Variants in DCTN1 observed in about 807,000 individuals in gnomAD.
The protein encoded by DCTN1 is dynactin subunit 1.
Under a neutral mutation model 161.2 loss-of-function variants are expected in DCTN1, and 61 were observed. That is an observed-to-expected ratio of 0.38 (90% CI 0.31 to 0.47). DCTN1 has a LOEUF of 0.47. Among genes scored for constraint, DCTN1 ranks in the 20% least tolerant of loss-of-function variants. DCTN1 has a pLI of 0.99. For synonymous variants in DCTN1, 653 were observed against 632.4 expected (o/e 1.03, Z -0.49); for missense variants, 1,404 against 1,623.7 (o/e 0.86, Z 2.33).
chr2:74,363,664 G>T, intron 26 of DCTN1, 36 bp from the exon 27 acceptor site: 1 of 1,612,650 alleles, frequency 6.2e-7, no homozygotes, highest in South Asian at 1.1e-5. Flanking sequence ...AGCAGGAAAA[G>T]AGGAGAGAGG....
At chr2:74,389,978 C>T (rs530566969) in intron 1 of DCTN1, among the ~76,000 whole-genome samples, 40 of 152,276 alleles carry the variant, frequency 2.6e-4, no homozygotes, top group African/African-American at 8.2e-4. Flanking sequence ...TGTCCCTACA[C>T]CCATCTGCCC....
rs932576887 is a variant in DCTN1 at position 74,378,189 on chromosome 2, G to A, written c.90C>T (p.Gly30=). 74 of 1,613,404 alleles carry A rather than the reference G, an allele frequency of 4.6e-5. No homozygotes were observed. The highest frequency in any genetic ancestry group is 5.9e-5 in the Non-Finnish European group (70 of 1,180,038). The change falls in exon 2 of 32, where the codon GGC becomes GGT. Residue 30 remains glycine (G), a synonymous_variant. Coordinates refer to ENST00000628224, the MANE Select transcript of DCTN1 (RefSeq NM_004082.5). ...AEASARPLRV[G]SRVEVIGKGH... ...CTTTTCCAATCACCTCTACACGGGAGCCCACCCGCAGAGGCCGGGCGCTTG... is the reference window on the plus strand; with the variant it reads ...CTTTTCCAATCACCTCTACACGGGAACCCACCCGCAGAGGCCGGGCGCTTG...
intron 1 of DCTN1, chr2:74,390,786 T>A (rs998570287): frequency 8.1e-6 from 2 of 246,840 alleles, no homozygotes; most frequent in Admixed American, 8.6e-5. Context: ...GCATTACATG[T>A]GCACGCCATT....
In DCTN1 at chr2:74,370,080, G is replaced by A; in HGVS notation, c.1288-11C>T. 1 of 1,614,168 alleles carries A rather than the reference G, an allele frequency of 6.2e-7. No individual in the cohort carries two copies. Among genetic ancestry groups the A allele is most frequent in the Middle Eastern group, 1.6e-4 (1 of 6,062 alleles). On this transcript the variant is annotated splice_polypyrimidine_tract_variant and intron_variant, in intron 12 of 31. Coordinates refer to ENST00000628224, the MANE Select transcript of DCTN1 (RefSeq NM_004082.5). This position sits in a 1 kb window ranked among gnomAD's most constrained non-coding sequence, Gnocchi z 4.4. ...CAGAGCAGCATCCACCTGTGTTACGGGGAGGATAGGGAGAAGGGCTGCTGG... is the reference window on the plus strand; with the variant it reads ...CAGAGCAGCATCCACCTGTGTTACGAGGAGGATAGGGAGAAGGGCTGCTGG...
chr2:74,386,214 C>A (rs1324156736), intron 1 of DCTN1, among the ~76,000 whole-genome samples: 1 of 152,176 alleles, frequency 6.6e-6, no homozygotes, highest in Non-Finnish European at 1.5e-5. Context: ...ACTCTAGGCT[C>A]TCAAGGTTCA....
chr2:74,369,911 A>G lies in DCTN1; in HGVS notation c.1392+54T>C, dbSNP rs181605284. ...GCTCAAAGGCCAAGGGTCACATGTCAATCTTTTTCTCAGCAGGTCCAAGTC... is the reference window on the plus strand; with the variant it reads ...GCTCAAAGGCCAAGGGTCACATGTCGATCTTTTTCTCAGCAGGTCCAAGTC... On this transcript the variant is annotated intron_variant, in intron 13 of 31. Coordinates refer to ENST00000628224, the MANE Select transcript of DCTN1 (RefSeq NM_004082.5). The surrounding 1 kb of genome is among the most constrained non-coding windows in gnomAD (Gnocchi z 4.9). 2 of 1,575,566 alleles carry G rather than the reference A, an allele frequency of 1.3e-6. No individual in the cohort carries two copies. Among genetic ancestry groups the G allele is most frequent in the African/African-American group, 2.7e-5 (2 of 74,098 alleles).
In DCTN1 at chr2:74,365,887, C is replaced by G; in HGVS notation, c.2886+6G>C. On this transcript the variant is annotated splice_donor_region_variant and intron_variant, in intron 24 of 31. Coordinates refer to ENST00000628224, the MANE Select transcript of DCTN1 (RefSeq NM_004082.5). ...CCCCCAGATCCTGAGCCTACACTACCCTCACCTTAATCTTGAGTGACTTCT... is the reference window on the plus strand; with the variant it reads ...CCCCCAGATCCTGAGCCTACACTACGCTCACCTTAATCTTGAGTGACTTCT... The G allele has an allele frequency of 1.9e-6, 3 of 1,614,224 alleles. No individual in the cohort carries two copies. The highest frequency in any genetic ancestry group is 2.5e-6 in the Non-Finnish European group (3 of 1,180,032).
intron 8 of DCTN1, 46 bp downstream of exon 8, chr2:74,371,491 G>A: frequency 6.6e-7 from 1 of 1,525,692 alleles, no homozygotes; most frequent in South Asian, 1.2e-5. Flanking sequence ...GTAGCCACAA[G>A]CCTCTGGGTG....
At chr2:74,368,375 T>C in intron 16 of DCTN1, 7 of 624,292 alleles carry the variant, frequency 1.1e-5, no homozygotes, top group Non-Finnish European at 1.7e-5. Context: ...AATCAAGGTC[T>C]TTCCTGACTT....
intron 24 of DCTN1, 33 bp downstream of exon 24, chr2:74,365,860 G>A: frequency 1.9e-6 from 3 of 1,613,990 alleles, no homozygotes; most frequent in Non-Finnish European, 2.5e-6. Context: ...CCAATTTCCT[G>A]GCCCCCAGAT....
intron 16 of DCTN1, 100 bp downstream of exon 16, chr2:74,368,626 CTT>C: frequency 8.5e-6 from 13 of 1,535,452 alleles, no homozygotes; most frequent in Non-Finnish European, 1.2e-5. Context: ...ACCATAAACT[CTT>C]TGTGGGCAGA....
chr2:74,380,423 AG>A, upstream of DCTN1: 1 of 496,278 alleles, frequency 2.0e-6, no homozygotes, highest in Non-Finnish European at 4.1e-6. Flanking sequence ...ACAGACCCTC[AG>A]CACTCAACTC....
chr2:74,390,587 T>C (rs1212826207), intron 1 of DCTN1: 5 of 451,892 alleles, frequency 1.1e-5, no homozygotes, highest in Non-Finnish European at 2.3e-5. Context: ...TCCTACCTTA[T>C]AGGCCTGGAC....
intron 1 of DCTN1, among the ~76,000 whole-genome samples, chr2:74,379,645 A>C (rs1395103084): frequency 1.3e-5 from 2 of 152,216 alleles, no homozygotes; most frequent in Non-Finnish European, 2.9e-5. Flanking sequence ...GAAGAGAAAG[A>C]AAGCAAGTAA....
chr2:74,366,193 A>G, intron 23 of DCTN1, 51 bp downstream of exon 23: 3 of 1,613,440 alleles, frequency 1.9e-6, no homozygotes, highest in Non-Finnish European at 2.5e-6. Flanking sequence ...TAGCTCTGCA[A>G]GTCTTACTCC....
At position 74,371,129 on chromosome 2, in the gene DCTN1, T is replaced by G. The variant is rs1291091043; in HGVS notation, c.693A>C (p.Leu231=). 1 of 1,614,062 alleles carries G rather than the reference T, an allele frequency of 6.2e-7. No individual in the cohort carries two copies. Among genetic ancestry groups the G allele is most frequent in the Non-Finnish European group, 8.5e-7 (1 of 1,180,048 alleles). ...CTGCCCGTTTCAGTCTCAGGGTCTC[T>G]AGTTTCTCCTCCAGGTCCCGCACCT... The part of the protein sequence containing the change: ...RAQVRDLEEK[L]ETLRLKRAED... The change falls in exon 9 of 32, where the codon CTA becomes CTC. Residue 231 remains leucine (L), a synonymous_variant. Transcript: ENST00000628224.
intron 5 of DCTN1, 103 bp from the exon 6 acceptor site, chr2:74,374,443 G>A (rs1675098465): frequency 6.3e-7 from 1 of 1,585,708 alleles, no homozygotes; most frequent in South Asian, 1.1e-5. Flanking sequence ...AAGGGAGGGA[G>A]GGCAAGAGAC....
At chr2:74,377,765 A>G in intron 2 of DCTN1, 39 bp from the exon 3 acceptor site, 2 of 1,585,638 alleles carry the variant, frequency 1.3e-6, no homozygotes, top group Non-Finnish European at 8.7e-7. Context: ...AATAGTTTCA[A>G]TATAGCCAGA....
intron 8 of DCTN1, 116 bp from the exon 9 acceptor site, chr2:74,371,292 A>C: frequency 1.9e-6 from 3 of 1,598,242 alleles, no homozygotes; most frequent in Admixed American, 1.7e-5. Flanking sequence ...CAGGGTGGCC[A>C]ACAGTCAGTG....
Sources: gnomAD v4.1 joint callset for allele counts (sites outside exome capture counted in the v4.1 genomes callset) on GRCh38, gnomAD v4.1.1 for gene constraint, Gnocchi (gnomAD v3.1) non-coding constraint, MANE v1.5 for transcripts, NCBI Gene and HGNC (gene_info 2026-07-23, HGNC 2026-07-21) for gene names.